GNA12: variants seen among roughly 807,000 people sequenced by gnomAD.
GNA12 encodes the protein G protein subunit alpha 12, also known as guanine nucleotide-binding protein subunit alpha-12.
Under a neutral mutation model 26.0 loss-of-function variants are expected in GNA12, and 9 were observed. The ratio of observed to expected loss-of-function variants is 0.35; its 90% CI spans 0.21 to 0.60. The LOEUF is 0.60. Ranked by LOEUF, GNA12 falls within the 20% of genes least tolerant of loss-of-function variation. GNA12 has a pLI of 0.78. For synonymous variants in GNA12, 264 were observed against 219.6 expected, an observed-to-expected ratio of 1.20 and a Z score of -1.79; for missense variants, 405 against 525.8, an observed-to-expected ratio of 0.77 and a Z score of 2.25.
At chr7:2,770,542 A>C (rs1791921492) in intron 2 of GNA12, among the ~76,000 whole-genome samples, 1 of 152,146 alleles carries the variant, frequency 6.6e-6, no homozygotes, top group African/African-American at 2.4e-5. Flanking sequence ...AAATCTCTTG[A>C]GCCCAGGAGT....
intron 1 of GNA12, among the ~76,000 whole-genome samples, chr7:2,843,330 G>A (rs1350613022): frequency 2.6e-5 from 4 of 151,934 alleles, no homozygotes; most frequent in East Asian, 1.9e-4. Flanking sequence ...CCACTCCCAC[G>A]GTCCCCAGGC....
chr7:2,771,017 G>C (rs768499220), intron 2 of GNA12, among the ~76,000 whole-genome samples: 13 of 152,190 alleles, frequency 8.5e-5, no homozygotes, highest in African/African-American at 3.1e-4. Context: ...AAGGCCAGGC[G>C]CCGTGGCTCA....
At chr7:2,737,855 G>A (rs191176534) in intron 2 of GNA12, among the ~76,000 whole-genome samples, 1 of 152,162 alleles carries the variant, frequency 6.6e-6, no homozygotes, top group Non-Finnish European at 1.5e-5. Flanking sequence ...CCACTGAATA[G>A]AGACGCTAGC....
chr7:2,789,649 C>A (rs1792467594), intron 2 of GNA12, among the ~76,000 whole-genome samples: 3 of 152,212 alleles, frequency 2.0e-5, no homozygotes, highest in Admixed American at 2.0e-4. Flanking sequence ...ATCCCACCCA[C>A]TGCTCCAGTT....
At chr7:2,766,162 T>C (rs1419802008) in intron 2 of GNA12, among the ~76,000 whole-genome samples, 1 of 152,174 alleles carries the variant, frequency 6.6e-6, no homozygotes, top group Non-Finnish European at 1.5e-5. Flanking sequence ...GCATTCTACT[T>C]TTTGTTTCTA....
At position 2,791,732 on chromosome 7, in the gene GNA12, G is replaced by T. The variant is rs192644647; in HGVS notation, c.525+3196C>A. On this transcript the variant is annotated intron_variant, in intron 2 of 3. Transcript: ENST00000275364. ...AGAAACAAGGGTCTACTGCAGGGGT[G>T]GGGGAGGGAGCCCTGGTAACGGTGA... 1.9e-3 allele frequency among the ~76,000 whole-genome samples: 290 copies of T among 152,282 alleles called. 2 individuals carry two copies. Among genetic ancestry groups the T allele is most frequent in the African/African-American group, 6.3e-3 (260 of 41,552 alleles).
Position 2,744,031 on chromosome 7 carries a change from C to G in GNA12, c.526-10530G>C, listed in dbSNP as rs185392728. 1.6e-3 allele frequency among the ~76,000 whole-genome samples: 242 copies of G among 152,360 alleles called. 1 individual carries two copies. Among genetic ancestry groups the G allele is most frequent in the African/African-American group, 5.1e-3 (213 of 41,594 alleles). On this transcript the variant is annotated intron_variant, in intron 2 of 3. Transcript: ENST00000275364. ...AAACAAAGCAGCCGGGAAGCTCAAA[C>G]TGGGTGGAGCCCACCACAGCTCAAG...
At position 2,812,298 on chromosome 7, in the gene GNA12, C is replaced by T. The variant is rs149010616; in HGVS notation, c.310-17155G>A. ...TTTTCCTTCTAAAGCTGCTAAGACA[C>T]GGGCAGAGTCCTTAGGCCTTGGTGC... On this transcript the variant is annotated intron_variant, in intron 1 of 3. Transcript: ENST00000275364. Among the ~76,000 whole-genome samples, 1,469 of 152,322 alleles carry T rather than the reference C, an allele frequency of 9.6e-3. 19 individuals are homozygous for T. The highest frequency in any genetic ancestry group is 0.015 in the Non-Finnish European group (1,022 of 68,026).
intron 2 of GNA12, among the ~76,000 whole-genome samples, chr7:2,744,897 T>C (rs986134033): frequency 2.0e-5 from 3 of 152,092 alleles, no homozygotes; most frequent in African/African-American, 7.2e-5. Context: ...GCCGATGCGA[T>C]GAACTGGAAG....
intron 1 of GNA12, among the ~76,000 whole-genome samples, chr7:2,837,924 C>G (rs1490796829): frequency 6.6e-6 from 1 of 151,816 alleles, no homozygotes; most frequent in African/African-American, 2.4e-5. Flanking sequence ...TTTAAAATCA[C>G]AGTTGATGAC....
At chr7:2,832,367 G>C (rs972496573) in intron 1 of GNA12, among the ~76,000 whole-genome samples, 3 of 152,224 alleles carry the variant, frequency 2.0e-5, no homozygotes, top group Non-Finnish European at 4.4e-5. Flanking sequence ...CTGAACGACA[G>C]AGCAGGTCCT....
chr7:2,770,799 A>G (rs2115420595), intron 2 of GNA12, among the ~76,000 whole-genome samples: 1 of 152,322 alleles, frequency 6.6e-6, no homozygotes, highest in East Asian at 1.9e-4. Context: ...TACAAATCAG[A>G]GTTACTGAAA....
At chr7:2,772,516 C>T (rs1791974535) in intron 2 of GNA12, among the ~76,000 whole-genome samples, 1 of 150,592 alleles carries the variant, frequency 6.6e-6, no homozygotes, top group African/African-American at 2.5e-5. Context: ...GCCAAGATCG[C>T]ACCACTGCAC....
Position 2,733,537 on chromosome 7 carries a change from G to T in GNA12, c.526-36C>A, listed in dbSNP as rs117101662. On this transcript the variant is annotated intron_variant, in intron 2 of 3. Coordinates refer to ENST00000275364, the MANE Select transcript of GNA12 (RefSeq NM_007353.3). ...GGAAGAATATTCACAGCTCAGTCTG[G>T]ACTGAGGAATCCTGATGTGGCAAAT... The T allele has an allele frequency of 7.9e-3, 12,245 of 1,552,748 alleles. 80 individuals are homozygous for T. Among genetic ancestry groups the T allele is most frequent in the Middle Eastern group, 0.036 (216 of 5,950 alleles).
intron 1 of GNA12, chr7:2,815,181 G>T: frequency 2.0e-6 from 1 of 493,044 alleles, no homozygotes; most frequent in Non-Finnish European, 3.6e-6. Flanking sequence ...TCGGCGAGGT[G>T]CCTGCGGTCC....
At chr7:2,774,514 C>T (rs1407904812) in intron 2 of GNA12, among the ~76,000 whole-genome samples, 2 of 152,096 alleles carry the variant, frequency 1.3e-5, no homozygotes, top group Non-Finnish European at 2.9e-5. Context: ...CAGGGAGCAG[C>T]AGGAAGGCCA....
At chr7:2,820,845 C>T (rs970752731) in intron 1 of GNA12, among the ~76,000 whole-genome samples, 3 of 152,252 alleles carry the variant, frequency 2.0e-5, no homozygotes, top group African/African-American at 4.8e-5. Context: ...CTCAAGCCAT[C>T]CTCTTGCCTC....
In GNA12 at chr7:2,794,941, C is replaced by G; in HGVS notation, c.512G>C (p.Ser171Thr). The change falls in exon 2 of 4, where the codon AGC becomes ACC. Residue 171 changes from serine to threonine, a missense_variant. Coordinates refer to ENST00000275364, the MANE Select transcript of GNA12 (RefSeq NM_007353.3). ...SGIREAFSRR[S>T]EFQLGESVKY... Reference sequence around the variant, plus strand: ...CTACTCACTCACCAGCTGAAACTCGCTTCTCCGGCTGAAAGCCTCCCTGAT... The same window carrying G: ...CTACTCACTCACCAGCTGAAACTCGGTTCTCCGGCTGAAAGCCTCCCTGAT... 1 of 1,613,836 alleles carries G rather than the reference C, an allele frequency of 6.2e-7. No individual in the cohort carries two copies. The highest frequency in any genetic ancestry group is 1.1e-5 in the South Asian group (1 of 91,068).
intron 2 of GNA12, among the ~76,000 whole-genome samples, chr7:2,780,046 G>A (rs1792182525): frequency 1.2e-5 from 1 of 85,824 alleles, no homozygotes; most frequent in Non-Finnish European, 2.3e-5. Context: ...ACACATTTCT[G>A]TGTACATATA....
Sources: gnomAD v4.1 joint callset for allele counts (sites outside exome capture counted in the v4.1 genomes callset) on GRCh38, gnomAD v4.1.1 for gene constraint, MANE v1.5 for transcripts, NCBI Gene and HGNC (gene_info 2026-07-23, HGNC 2026-07-21) for gene names.